Variants in MIGA2 observed in about 807,000 individuals in gnomAD.
The protein encoded by MIGA2 is family with sequence similarity 73, member B.
Under a neutral mutation model 69.9 loss-of-function variants are expected in MIGA2, and 36 were observed. The ratio of observed to expected loss-of-function variants is 0.52; its 90% confidence interval spans 0.39 to 0.68. MIGA2 has a LOEUF of 0.68. MIGA2 is among the 30% of genes least tolerant of loss of function. The pLI, the probability that MIGA2 is intolerant of heterozygous loss-of-function variation, is 0.00. For synonymous variants in MIGA2, 333 were observed against 349.2 expected, an observed-to-expected ratio of 0.95 and a Z score of 0.52; for missense variants, 660 against 787.7, an observed-to-expected ratio of 0.84 and a Z score of 1.94.
intron 6 of MIGA2, among the ~76,000 whole-genome samples, chr9:129,054,806 A>G (rs1845712420): frequency 6.6e-6 from 1 of 152,190 alleles, no homozygotes. Flanking sequence ...GTGAACATTC[A>G]TGTACAGGTT....
chr9:129,045,734 G>T (rs915204688), intron 3 of MIGA2, among the ~76,000 whole-genome samples: 1 of 151,862 alleles, frequency 6.6e-6, no homozygotes, highest in African/African-American at 2.4e-5. Flanking sequence ...ATAGAGAGTC[G>T]CTGTCTCTGT....
At position 129,040,493 on chromosome 9, in the gene MIGA2, T is replaced by G. The variant is rs1844838512; in HGVS notation, c.-102T>G. The G allele has an allele frequency of 6.8e-7, 1 of 1,476,156 alleles. No individual in the cohort carries two copies. Among genetic ancestry groups the G allele is most frequent in the Non-Finnish European group, 9.1e-7 (1 of 1,103,138 alleles). The allele number at this position is 1,476,156 out of a possible 1,614,324, so 91.4% of individuals were successfully genotyped here. On this transcript the variant is annotated 5_prime_UTR_variant, in exon 2 of 16. Coordinates refer to ENST00000684074, the MANE Select transcript of MIGA2 (RefSeq NM_001329990.2). Reference sequence around the variant, plus strand: ...TCTGGTATGTGTGTCCCTGTCCTTCTGGGGCGTGGATGGTGCCTGGGACCC... The same window carrying G: ...TCTGGTATGTGTGTCCCTGTCCTTCGGGGGCGTGGATGGTGCCTGGGACCC...
chr9:129,055,859 A>AT (rs1386463599), intron 6 of MIGA2, among the ~76,000 whole-genome samples: 1 of 151,908 alleles, frequency 6.6e-6, no homozygotes, highest in African/African-American at 2.4e-5. Context: ...AAAAAAAAAA[A>AT]AAAAATTTGG....
chr9:129,040,777 C>T, intron 2 of MIGA2, 87 bp downstream of exon 2: 1 of 1,258,746 alleles, frequency 7.9e-7, no homozygotes, highest in Non-Finnish European at 1.1e-6. Context: ...AACGCTGAGC[C>T]CTCGTTCTTG....
intron 6 of MIGA2, among the ~76,000 whole-genome samples, chr9:129,050,589 T>TG (rs1845473615): frequency 6.7e-6 from 1 of 149,678 alleles, no homozygotes; most frequent in East Asian, 2.0e-4. Context: ...TTTTTTTTTT[T>TG]GAAATGGAGT....
At chr9:129,037,524 C>A (rs1844658397) in intron 1 of MIGA2, among the ~76,000 whole-genome samples, 1 of 152,058 alleles carries the variant, frequency 6.6e-6, no homozygotes. Flanking sequence ...CCCTGGAGGA[C>A]GGACAGGGTG....
chr9:129,049,600 C>G (rs1431979961), intron 5 of MIGA2, 102 bp downstream of exon 5: 1 of 1,298,128 alleles, frequency 7.7e-7, no homozygotes, highest in Admixed American at 2.0e-5. Flanking sequence ...CCCTCACTAC[C>G]CTGCCCCAAA....
Position 129,069,913 on chromosome 9 carries a change from T to C in MIGA2, c.1523T>C (p.Phe508Ser), listed in dbSNP as rs1346771215. 3 of 1,613,306 alleles carry C rather than the reference T, an allele frequency of 1.9e-6. No individual in the cohort carries two copies. The highest frequency in any genetic ancestry group is 2.5e-6 in the Non-Finnish European group (3 of 1,179,760). Residue 508 changes from phenylalanine to serine, a missense_variant, in exon 15 of 16, where the codon TTC becomes TCC. Coordinates refer to ENST00000684074, the MANE Select transcript of MIGA2 (RefSeq NM_001329990.2). The surrounding 1 kb of genome is among the most constrained non-coding windows in gnomAD (Gnocchi z 4.9). ...GAGCATGTGAGCCCTGTCCTAGCCT[T>C]CGGCTTCCTTGGACCCAAGCCTCAG... Reference protein sequence around the residue: ...VSEHVSPVLAFGFLGPKPQLA... With the variant: ...VSEHVSPVLASGFLGPKPQLA...
rs1846031579 is a variant in MIGA2, at chr9:129,060,810, G to C, written c.894+160G>C. 6.6e-6 allele frequency among the ~76,000 whole-genome samples: 1 copy of C among 151,870 alleles called. No homozygotes were observed. Among genetic ancestry groups the C allele is most frequent in the South Asian group, 2.1e-4 (1 of 4,820 alleles). ...CTCCTCGAAGCTGTTGGGGATGGGG[G>C]GTGCTGAGAAATCGGGGGCTGTTGT... On this transcript the variant is annotated intron_variant, in intron 8 of 15. Transcript: ENST00000684074. The surrounding 1 kb of genome is among the most constrained non-coding windows in gnomAD (Gnocchi z 4.8).
chr9:129,059,696 G>A lies in MIGA2; in HGVS notation c.793+425G>A, dbSNP rs373014625. 2.4e-4 allele frequency among the ~76,000 whole-genome samples: 36 copies of A among 152,314 alleles called. No homozygotes were observed. Among genetic ancestry groups the A allele is most frequent in the East Asian group, 1.4e-3 (7 of 5,172 alleles). ...AACAGAAGTTCCTGTTGTTGGGTGC[G>A]CTGAGGTGAAATGATGTGACATACT... is the stretch of plus-strand genomic sequence containing the variant. On this transcript the variant is annotated intron_variant, in intron 7 of 15. Coordinates refer to ENST00000684074, the MANE Select transcript of MIGA2 (RefSeq NM_001329990.2). The surrounding 1 kb of genome is among the most constrained non-coding windows in gnomAD (Gnocchi z 5.6).
chr9:129,051,288 T>TTTATTTA (rs1564608407), intron 6 of MIGA2: 3 of 179,000 alleles, frequency 1.7e-5, no homozygotes, highest in African/African-American at 8.3e-5. Context: ...TTATTTATTT[T>TTTATTTA]TTTTTTTGGA....
chr9:129,042,044 G>T, intron 2 of MIGA2: 1 of 513,972 alleles, frequency 1.9e-6, no homozygotes. Flanking sequence ...CGGCTTGTGT[G>T]CTCATGACTG....
At chr9:129,053,426 C>T (rs1252281843) in intron 6 of MIGA2, among the ~76,000 whole-genome samples, 1 of 148,924 alleles carries the variant, frequency 6.7e-6, no homozygotes, top group Non-Finnish European at 1.5e-5. Flanking sequence ...TGCAGTGGCG[C>T]AATCTTGGCT....
chr9:129,042,116 G>A, intron 2 of MIGA2, 188 bp from the exon 3 acceptor site: 3 of 613,908 alleles, frequency 4.9e-6, no homozygotes, highest in Non-Finnish European at 8.9e-6. Flanking sequence ...TTATGTTTTT[G>A]TGGCCTGTGT....
At position 129,068,158 on chromosome 9, in the gene MIGA2, G is replaced by A. The variant is rs1314682976; in HGVS notation, c.1270-40G>A. 6.2e-7 allele frequency: 1 copy of A among 1,613,348 alleles called. No individual in the cohort carries two copies. The highest frequency in any genetic ancestry group is 8.5e-7 in the Non-Finnish European group (1 of 1,179,952). On this transcript the variant is annotated intron_variant, in intron 12 of 15. Transcript: ENST00000684074. The surrounding 1 kb of genome is among the most constrained non-coding windows in gnomAD (Gnocchi z 4.1). ...GGAAAGTGGCCCCGAGGCTCCGGCA[G>A]TGCCCCCATGCATGAGCCTCCCGGG...
intron 6 of MIGA2, among the ~76,000 whole-genome samples, chr9:129,056,628 C>T (rs1181046769): frequency 6.6e-6 from 1 of 151,902 alleles, no homozygotes; most frequent in East Asian, 1.9e-4. Context: ...AAGCGATTCT[C>T]CTGCCTCAGT....
intron 6 of MIGA2, among the ~76,000 whole-genome samples, chr9:129,056,197 C>G (rs775881053): frequency 1.3e-5 from 2 of 151,834 alleles, no homozygotes; most frequent in Admixed American, 6.6e-5. Flanking sequence ...TTAATTTTGC[C>G]CATTACTTTG....
intron 2 of MIGA2, among the ~76,000 whole-genome samples, chr9:129,041,129 G>A (rs1844881803): frequency 6.6e-6 from 1 of 152,192 alleles, no homozygotes; most frequent in Admixed American, 6.5e-5. Flanking sequence ...GAAGTCAGGA[G>A]TTCAAGACCA....
chr9:129,040,600 G>T lies in MIGA2; in HGVS notation c.6G>T (p.Ala2=). ...CCTGGGGCATTGGCCCTGCCATGGCGTTCCGGAGGGCCGAGGGCACGTCTA... is the reference window on the plus strand; with the variant it reads ...CCTGGGGCATTGGCCCTGCCATGGCTTTCCGGAGGGCCGAGGGCACGTCTA... M[A]FRRAEGTSMI... is the part of the protein sequence containing the mutation. Residue 2 remains alanine (A), a synonymous_variant, in exon 2 of 16, where the codon GCG becomes GCT. Transcript: ENST00000684074. The T allele has an allele frequency of 3.1e-6, 5 of 1,611,594 alleles. No homozygotes were observed. Among genetic ancestry groups the T allele is most frequent in the African/African-American group, 1.3e-5 (1 of 75,024 alleles).
Sources: gnomAD v4.1 joint callset for allele counts (sites outside exome capture counted in the v4.1 genomes callset) on GRCh38, gnomAD v4.1.1 for gene constraint, Gnocchi (gnomAD v3.1) non-coding constraint, MANE v1.5 for transcripts, NCBI Gene and HGNC (gene_info 2026-07-23, HGNC 2026-07-21) for gene names.